Variants in NSMCE2 observed in about 807,000 individuals in gnomAD.
NSMCE2 encodes the protein E3 SUMO-protein ligase NSE2.
In NSMCE2, 24 loss-of-function variants were observed where a neutral mutation model predicts 23.8. The ratio of observed to expected loss-of-function variants is 1.01; its 90% CI spans 0.73 to 1.42. The LOEUF (loss-of-function observed/expected upper bound fraction) is 1.42. Ranked by LOEUF, NSMCE2 falls within the 40% of genes most tolerant of loss-of-function variation. The pLI is 0.00. For synonymous variants in NSMCE2, 92 were observed against 94.1 expected, an observed-to-expected ratio of 0.98 and a Z score of 0.13; for missense variants, 284 against 296.5, an observed-to-expected ratio of 0.96 and a Z score of 0.31.
At chr8:125,137,685 GC>G (rs774883036) in intron 3 of NSMCE2, among the ~76,000 whole-genome samples, 3 of 152,264 alleles carry the variant, frequency 2.0e-5, no homozygotes, top group Non-Finnish European at 4.4e-5. Context: ...AAATGTTTAT[GC>G]CCAAAGGGTG....
At chr8:125,321,611 C>T (rs1829462585) in intron 5 of NSMCE2, among the ~76,000 whole-genome samples, 2 of 152,118 alleles carry the variant, frequency 1.3e-5, no homozygotes, top group Non-Finnish European at 2.9e-5. Flanking sequence ...AATTAATATC[C>T]CTCATAAACA....
chr8:125,363,516 AGAG>A (rs1813647544), intron 7 of NSMCE2, among the ~76,000 whole-genome samples: 1 of 139,546 alleles, frequency 7.2e-6, no homozygotes, highest in African/African-American at 2.6e-5. Flanking sequence ...GAAAGAGGAA[AGAG>A]GAGAGAAAGA....
At chr8:125,286,996 G>A (rs1034327151) in intron 5 of NSMCE2, among the ~76,000 whole-genome samples, 2 of 152,104 alleles carry the variant, frequency 1.3e-5, no homozygotes, top group Admixed American at 1.3e-4. Flanking sequence ...CTCCTCTGTA[G>A]GGTGGTTTTA....
intron 5 of NSMCE2, among the ~76,000 whole-genome samples, chr8:125,190,620 T>C (rs1448842392): frequency 6.6e-6 from 1 of 152,210 alleles, no homozygotes; most frequent in Non-Finnish European, 1.5e-5. Context: ...CCAGGAGTTA[T>C]TTTGTAGTGA....
chr8:125,322,100 G>T (rs1040197709), intron 5 of NSMCE2, among the ~76,000 whole-genome samples: 3 of 151,852 alleles, frequency 2.0e-5, no homozygotes, highest in Non-Finnish European at 4.4e-5. Flanking sequence ...TTATATTCTG[G>T]ATATGACCTC....
intron 5 of NSMCE2, among the ~76,000 whole-genome samples, chr8:125,230,582 A>G (rs1202668475): frequency 6.6e-6 from 1 of 152,208 alleles, no homozygotes; most frequent in Non-Finnish European, 1.5e-5. Flanking sequence ...CAGTTTCAAC[A>G]CTGTTCAGTA....
chr8:125,333,707 GT>G (rs1370843995), intron 5 of NSMCE2, among the ~76,000 whole-genome samples: 1 of 151,382 alleles, frequency 6.6e-6, no homozygotes, highest in East Asian at 1.9e-4. Context: ...TAGAGACGGG[GT>G]TTCACCATTT....
chr8:125,113,542 C>A (rs1818863329), intron 3 of NSMCE2, among the ~76,000 whole-genome samples: 1 of 152,066 alleles, frequency 6.6e-6, no homozygotes. Context: ...ATGAGAAATA[C>A]ATTTCTGGGG....
chr8:125,208,798 AG>A (rs1824214132), intron 5 of NSMCE2, among the ~76,000 whole-genome samples: 1 of 152,232 alleles, frequency 6.6e-6, no homozygotes, highest in Non-Finnish European at 1.5e-5. Context: ...TACTCAATTT[AG>A]AATTGAGTTG....
intron 5 of NSMCE2, among the ~76,000 whole-genome samples, chr8:125,190,427 G>A (rs1823296586): frequency 6.6e-6 from 1 of 152,198 alleles, no homozygotes; most frequent in African/African-American, 2.4e-5. Context: ...CAAGGATGAA[G>A]AGAAAACATT....
At chr8:125,289,661 G>T (rs893138494) in intron 5 of NSMCE2, among the ~76,000 whole-genome samples, 21 of 152,022 alleles carry the variant, frequency 1.4e-4, no homozygotes, top group African/African-American at 4.6e-4. Context: ...GAATAATGAA[G>T]GAATATACTT....
intron 5 of NSMCE2, among the ~76,000 whole-genome samples, chr8:125,346,114 A>G (rs1371869525): frequency 6.6e-6 from 1 of 151,942 alleles, no homozygotes; most frequent in Non-Finnish European, 1.5e-5. Flanking sequence ...CCAAGATCGC[A>G]CCATTGCACT....
intron 3 of NSMCE2, among the ~76,000 whole-genome samples, chr8:125,109,150 G>C (rs1435140646): frequency 6.6e-6 from 1 of 152,182 alleles, no homozygotes; most frequent in Non-Finnish European, 1.5e-5. Context: ...TTGTAATACA[G>C]GCATAATAGT....
intron 3 of NSMCE2, among the ~76,000 whole-genome samples, chr8:125,114,886 A>G (rs1428469221): frequency 6.6e-6 from 1 of 152,240 alleles, no homozygotes; most frequent in African/African-American, 2.4e-5. Flanking sequence ...TCTTTAGGTA[A>G]ATAATACTTG....
At chr8:125,300,976 T>G (rs1828540219) in intron 5 of NSMCE2, among the ~76,000 whole-genome samples, 1 of 152,246 alleles carries the variant, frequency 6.6e-6, no homozygotes, top group African/African-American at 2.4e-5. Flanking sequence ...GTGTCCTGTC[T>G]GACTCACTGA....
At chr8:125,092,579 G>A (rs1817718426) in intron 1 of NSMCE2, among the ~76,000 whole-genome samples, 1 of 152,208 alleles carries the variant, frequency 6.6e-6, no homozygotes, top group African/African-American at 2.4e-5. Context: ...TAGCATGAGG[G>A]AGGGAAAAGC....
At chr8:125,366,682 A>T (rs1349891318) in intron 7 of NSMCE2, 86 bp from the exon 8 acceptor site, 1 of 772,838 alleles carries the variant, frequency 1.3e-6, no homozygotes, top group Non-Finnish European at 2.2e-6. Context: ...TTTCAGTAAA[A>T]TGCCTTACTT....
intron 5 of NSMCE2, among the ~76,000 whole-genome samples, chr8:125,328,122 C>G (rs1373388463): frequency 1.3e-5 from 2 of 149,284 alleles, no homozygotes; most frequent in South Asian, 4.2e-4. Context: ...TTTTAAGAGG[C>G]AGGCATCATC....
chr8:125,249,038 G>A (rs745984376), intron 5 of NSMCE2, among the ~76,000 whole-genome samples: 1 of 152,130 alleles, frequency 6.6e-6, no homozygotes, highest in Non-Finnish European at 1.5e-5. Flanking sequence ...GAGTATGGTG[G>A]CACATGCCTT....
Sources: allele counts gnomAD v4.1 joint callset (sites outside exome capture counted in the v4.1 genomes callset), GRCh38; gene constraint gnomAD v4.1.1; transcripts MANE v1.5; gene names NCBI Gene and HGNC (gene_info 2026-07-23, HGNC 2026-07-21).